CRACD: variants seen among roughly 807,000 people sequenced by gnomAD.
The protein encoded by CRACD is capping protein-inhibiting regulator of actin dynamics.
Under a neutral mutation model 106.8 loss-of-function variants are expected in CRACD, and 56 were observed. The observed-to-expected ratio is 0.52, with a 90% CI of 0.42 to 0.66. The LOEUF (loss-of-function observed/expected upper bound fraction) is 0.66, where lower values mean the gene tolerates loss of function less well. Ranked by LOEUF, CRACD falls within the 30% of genes least tolerant of loss-of-function variation. The pLI is 0.00. For synonymous variants in CRACD, 754 were observed against 670.8 expected (o/e 1.12, Z -1.92); for missense variants, 1,730 against 1,623.2 (o/e 1.07, Z -1.13).
At chr4:56,250,773 G>T (rs1741006958) in intron 2 of CRACD, among the ~76,000 whole-genome samples, 1 of 152,132 alleles carries the variant, frequency 6.6e-6, no homozygotes, top group Admixed American at 6.5e-5. Context: ...TGGTCGTGAG[G>T]TATTACATGT....
At chr4:56,172,378 T>C (rs2109918513) in intron 1 of CRACD, among the ~76,000 whole-genome samples, 1 of 152,358 alleles carries the variant, frequency 6.6e-6, no homozygotes, top group African/African-American at 2.4e-5. Flanking sequence ...CTGTATTTTC[T>C]CTGTTACAAT....
At chr4:56,083,422 C>G (rs188444562) in intron 1 of CRACD, among the ~76,000 whole-genome samples, 1 of 152,090 alleles carries the variant, frequency 6.6e-6, no homozygotes, top group South Asian at 2.1e-4. Context: ...AGAAATTAAC[C>G]GTCAATTAAC....
intron 1 of CRACD, among the ~76,000 whole-genome samples, chr4:56,094,614 C>T (rs1733534246): frequency 6.6e-6 from 1 of 152,044 alleles, no homozygotes; most frequent in South Asian, 2.1e-4. Flanking sequence ...CCACCACACT[C>T]AGCTAATTTT....
rs531317020 is a variant in CRACD, at chr4:56,148,849, C to T, written c.-335-30435C>T. 9.5e-5 allele frequency among the ~76,000 whole-genome samples: 14 copies of T among 147,206 alleles called. No homozygotes were observed. In the South Asian group the frequency reaches 3.0e-3, roughly 32 times the overall value. Reference sequence around the variant, plus strand: ...CCGGGGCAGGGTGAGGAGTTTCGCTCTTGTTGCCCAGGCTGGAGTGCAGTG... The same window carrying T: ...CCGGGGCAGGGTGAGGAGTTTCGCTTTTGTTGCCCAGGCTGGAGTGCAGTG... On this transcript the variant is annotated intron_variant, in intron 1 of 10. Coordinates refer to ENST00000682029, the MANE Select transcript of CRACD (RefSeq NM_001393381.1).
intron 1 of CRACD, among the ~76,000 whole-genome samples, chr4:56,167,680 G>T (rs187657039): frequency 6.6e-6 from 1 of 151,996 alleles, no homozygotes; most frequent in African/African-American, 2.4e-5. Flanking sequence ...TCAAGTTGTC[G>T]CAAATGATAG....
Position 56,049,133 on chromosome 4 carries a change from T to C in CRACD, c.-502T>C, listed in dbSNP as rs1214015757. Reference sequence around the variant, plus strand: ...GCGGTGGCGGCAGTGGGGAGAGCAATGGAGGCCACGGCCGACTGAGAGGCG... The same window carrying C: ...GCGGTGGCGGCAGTGGGGAGAGCAACGGAGGCCACGGCCGACTGAGAGGCG... On this transcript the variant is annotated 5_prime_UTR_variant, in exon 1 of 11. The change abolishes an upstream ATG in the 5' untranslated region. Coordinates refer to ENST00000682029, the MANE Select transcript of CRACD (RefSeq NM_001393381.1). 1.3e-5 allele frequency: 2 copies of C among 149,526 alleles called. No homozygotes were observed. Among genetic ancestry groups the C allele is most frequent in the Non-Finnish European group, 3.0e-5 (2 of 67,102 alleles). The allele number at this position is 149,526 out of a possible 1,614,324, so 9.3% of individuals were successfully genotyped here. A position where few individuals can be genotyped will look rare whatever the true frequency, so the allele number is the denominator to read the frequency against.
At chr4:56,171,669 A>G (rs1361609850) in intron 1 of CRACD, among the ~76,000 whole-genome samples, 1 of 152,244 alleles carries the variant, frequency 6.6e-6, no homozygotes, top group Non-Finnish European at 1.5e-5. Context: ...AGGATGATAA[A>G]TAATAATGAA....
At chr4:56,182,444 A>AC (rs1553907881) in intron 2 of CRACD, among the ~76,000 whole-genome samples, 3 of 151,650 alleles carry the variant, frequency 2.0e-5, no homozygotes, top group African/African-American at 2.4e-5. Context: ...AAAAAAAAAA[A>AC]ACCAGCCAGG....
At chr4:56,275,361 G>A (rs977265300) in intron 3 of CRACD, among the ~76,000 whole-genome samples, 3 of 152,084 alleles carry the variant, frequency 2.0e-5, no homozygotes, top group Non-Finnish European at 2.9e-5. Context: ...AGGCTGAGGC[G>A]GGAAGATCAT....
chr4:56,070,381 G>A (rs1732601014), intron 1 of CRACD, among the ~76,000 whole-genome samples: 1 of 148,916 alleles, frequency 6.7e-6, no homozygotes, highest in South Asian at 2.1e-4. Context: ...CTCACTGCAA[G>A]CTCCGCCTCC....
chr4:56,251,735 G>C (rs1741065050), intron 2 of CRACD, among the ~76,000 whole-genome samples: 1 of 152,192 alleles, frequency 6.6e-6, no homozygotes, highest in South Asian at 2.1e-4. Flanking sequence ...ATGTCAGAGA[G>C]CTTATTTAAT....
At chr4:56,132,776 G>A (rs1346853345) in intron 1 of CRACD, among the ~76,000 whole-genome samples, 2 of 152,168 alleles carry the variant, frequency 1.3e-5, no homozygotes, top group Non-Finnish European at 2.9e-5. Flanking sequence ...ATTAGTAGTC[G>A]TGGTAACTTG....
At chr4:56,171,864 C>A (rs1443062127) in intron 1 of CRACD, among the ~76,000 whole-genome samples, 2 of 152,014 alleles carry the variant, frequency 1.3e-5, no homozygotes, top group Non-Finnish European at 2.9e-5. Context: ...TCAGATTTTC[C>A]ACCTTTATAG....
intron 3 of CRACD, among the ~76,000 whole-genome samples, chr4:56,295,674 TATATATATATATATATATATATA>T (rs1743974195): frequency 1.6e-4 from 1 of 6,242 alleles, no homozygotes; most frequent in African/African-American, 5.6e-4. Flanking sequence ...TATATATATA[TATATATATATATATATATATATA>T]TATATATATA....
intron 1 of CRACD, among the ~76,000 whole-genome samples, chr4:56,125,013 A>C (rs888077961): frequency 6.6e-6 from 1 of 152,232 alleles, no homozygotes; most frequent in African/African-American, 2.4e-5. Context: ...GTGTTCAAAA[A>C]ATTAATCTCC....
chr4:56,204,751 G>T (rs993294529), intron 2 of CRACD, among the ~76,000 whole-genome samples: 14 of 152,332 alleles, frequency 9.2e-5, no homozygotes, highest in African/African-American at 3.4e-4. Flanking sequence ...ATCTTTTGCA[G>T]TTCCTGGCTA....
intron 2 of CRACD, among the ~76,000 whole-genome samples, chr4:56,223,347 A>G (rs961293382): frequency 6.6e-6 from 1 of 151,802 alleles, no homozygotes; most frequent in African/African-American, 2.4e-5. Flanking sequence ...TATTTTATGT[A>G]AATTGGTAGG....
intron 1 of CRACD, among the ~76,000 whole-genome samples, chr4:56,146,644 T>C (rs1735393169): frequency 1.3e-5 from 2 of 151,736 alleles, no homozygotes; most frequent in South Asian, 4.2e-4. Flanking sequence ...CCCTGCTCTT[T>C]TAATATAGGA....
rs199580511 is a variant in CRACD at position 56,323,383 on chromosome 4, C to T, written c.3194C>T (p.Pro1065Leu). The T allele has an allele frequency of 1.0e-5, 16 of 1,595,080 alleles. No individual in the cohort carries two copies. Among genetic ancestry groups the T allele is most frequent in the East Asian group, 4.5e-5 (2 of 44,460 alleles). Reference protein sequence around the residue: ...QTPEAGRKEKPMLQSRHSLDG... With the variant: ...QTPEAGRKEKLMLQSRHSLDG... ...TTTGTCTTATTCCCCACAGAGAAGC[C>T]GATGCTTCAGAGCAGACACTCCTTA... Residue 1065 changes from proline to leucine, a missense_variant, in exon 9 of 11, where the codon CCG becomes CTG. By Grantham distance (98) the Pro-to-Leu change is moderately conservative. This residue lies in a region of CRACD where 1,620 missense variants were observed against 1,481.6 expected (regional missense o/e 1.09). Transcript: ENST00000682029.
Sources: gnomAD v4.1 joint callset for allele counts (sites outside exome capture counted in the v4.1 genomes callset) on GRCh38, gnomAD v4.1.1 for gene constraint, gnomAD v4.1.1 regional missense constraint, MANE v1.5 for transcripts, NCBI Gene and HGNC (gene_info 2026-07-23, HGNC 2026-07-21) for gene names.